Variants in TSNAX observed in about 807,000 individuals in gnomAD.
TSNAX encodes the protein translin-associated protein X.
A neutral mutation model predicts 33.0 loss-of-function variants in TSNAX; 12 were observed. The observed-to-expected ratio is 0.36, with a 90% CI of 0.23 to 0.59. TSNAX has a LOEUF of 0.59. Ranked by LOEUF, TSNAX falls within the 20% of genes least tolerant of loss-of-function variation. The pLI is 0.74. For synonymous variants in TSNAX, 110 were observed against 117.2 expected, an observed-to-expected ratio of 0.94 and a Z score of 0.40; for missense variants, 267 against 341.3, an observed-to-expected ratio of 0.78 and a Z score of 1.72.
In TSNAX at chr1:231,565,089, A is replaced by T. The variant is rs1661341405; in HGVS notation, c.*184A>T. 1.3e-6 allele frequency: 1 copy of T among 756,962 alleles called. No homozygotes were observed. The highest frequency in any genetic ancestry group is 2.0e-6 in the Non-Finnish European group (1 of 497,342). The allele number at this position is 756,962 out of a possible 1,614,324, so 46.9% of individuals were successfully genotyped here. A position where few individuals can be genotyped will look rare whatever the true frequency, so the allele number is the denominator to read the frequency against. ...CCAAATGAATCATTTCTTATATCTT[A>T]TTCATGAAAGTTTGCATACAGATGT... is the stretch of plus-strand genomic sequence containing the variant. On this transcript the variant is annotated 3_prime_UTR_variant, in exon 6 of 6. Coordinates refer to ENST00000366639, the MANE Select transcript of TSNAX (RefSeq NM_005999.3).
chr1:231,547,273 G>A (rs1196964914), intron 4 of TSNAX, among the ~76,000 whole-genome samples: 2 of 151,862 alleles, frequency 1.3e-5, no homozygotes, highest in South Asian at 2.1e-4. Context: ...ATTGGAATCC[G>A]ACTTGTTTCA....
intron 4 of TSNAX, among the ~76,000 whole-genome samples, chr1:231,553,520 A>G (rs1415631106): frequency 1.3e-5 from 2 of 152,138 alleles, no homozygotes; most frequent in Non-Finnish European, 2.9e-5. Flanking sequence ...CACCTTGGGG[A>G]TTATTCACTG....
rs780170973 is a variant in TSNAX at position 231,564,327 on chromosome 1, G to A, written c.496-201G>A. Among the ~76,000 whole-genome samples, 41 of 152,118 alleles carry A rather than the reference G, an allele frequency of 2.7e-4. 1 individual carries two copies. Among genetic ancestry groups the A allele is most frequent in the Non-Finnish European group, 4.0e-4 (27 of 68,022 alleles). Reference sequence around the variant, plus strand: ...CATCTGGTTCATTTCACTACCCAGGGCACACATTCCTCCTGTAACATCCCA... The same window carrying A: ...CATCTGGTTCATTTCACTACCCAGGACACACATTCCTCCTGTAACATCCCA... On this transcript the variant is annotated intron_variant, in intron 5 of 5. Transcript: ENST00000366639.
chr1:231,528,946 C>T (rs1162190131), intron 1 of TSNAX, 120 bp downstream of exon 1: 19 of 1,352,428 alleles, frequency 1.4e-5, no homozygotes, highest in Non-Finnish European at 1.9e-5. Context: ...GACTCGGGGG[C>T]GGCCCCTCTG....
rs139214482 is a variant in TSNAX at position 231,564,500 on chromosome 1, TTTTTG to T, written c.496-13_496-9del. The T allele has an allele frequency of 0.069, 107,818 of 1,572,430 alleles. 3,816 individuals are homozygous for T. The highest frequency in any genetic ancestry group is 0.12 in the Admixed American group (6,889 of 58,306). ...TCTTTCTTGTGTGTGTGTGTGTGTG[TTTTTG>T]TTTTGTTTTGTTTTTTTACCAGCCC... is the stretch of plus-strand genomic sequence containing the variant. On this transcript the variant is annotated intron_variant, in intron 5 of 5. Transcript: ENST00000366639.
At chr1:231,538,569 C>T (rs1046798886) in intron 3 of TSNAX, among the ~76,000 whole-genome samples, 4 of 152,144 alleles carry the variant, frequency 2.6e-5, no homozygotes, top group Admixed American at 6.5e-5. Flanking sequence ...TGTTTTAGTC[C>T]AGCTTCTGAA....
chr1:231,566,137 T>A lies in TSNAX; in HGVS notation c.*1232T>A, dbSNP rs1484222760. ...ATAATTTAAGTCTAGCATTTACTTT[T>A]AAATAATTATAATGAAGTTTTGAAA... On this transcript the variant is annotated 3_prime_UTR_variant, in exon 6 of 6. Transcript: ENST00000366639. 2.6e-5 allele frequency: 4 copies of A among 152,628 alleles called. 1 individual carries two copies. In the South Asian group the frequency reaches 6.2e-4, roughly 24 times the overall value. The allele number at this position is 152,628 out of a possible 1,614,324, so 9.5% of individuals were successfully genotyped here. A position where few individuals can be genotyped will look rare whatever the true frequency, so the allele number is the denominator to read the frequency against.
chr1:231,539,522 A>G (rs1659415543), intron 3 of TSNAX, among the ~76,000 whole-genome samples: 1 of 152,226 alleles, frequency 6.6e-6, no homozygotes, highest in Non-Finnish European at 1.5e-5. Context: ...TGTAATAGGA[A>G]TATGACAGGA....
At chr1:231,539,456 G>A (rs1206960724) in intron 3 of TSNAX, among the ~76,000 whole-genome samples, 1 of 152,160 alleles carries the variant, frequency 6.6e-6, no homozygotes. Flanking sequence ...TGCTAAGAAA[G>A]TTTTGGATTT....
intron 2 of TSNAX, among the ~76,000 whole-genome samples, chr1:231,533,184 C>T (rs1769808): frequency 2.7e-3 from 402 of 147,270 alleles, no homozygotes; most frequent in African/African-American, 0.01. Context: ...CTCCTGCCTC[C>T]GCCTCCCAGG....
chr1:231,564,252 G>A (rs987810395), intron 5 of TSNAX, among the ~76,000 whole-genome samples: 3 of 152,188 alleles, frequency 2.0e-5, no homozygotes, highest in Non-Finnish European at 2.9e-5. Context: ...ATCAAGTGGA[G>A]TTGGAAATAG....
chr1:231,559,617 CG>C (rs1348661590), intron 4 of TSNAX, among the ~76,000 whole-genome samples: 1 of 152,118 alleles, frequency 6.6e-6, no homozygotes, highest in Non-Finnish European at 1.5e-5. Context: ...TGTGAGCCAC[CG>C]GCGCCCGGCC....
In TSNAX at chr1:231,565,086, C is replaced by T. The variant is rs114928340; in HGVS notation, c.*181C>T. ...TAGCCAAATGAATCATTTCTTATATCTTATTCATGAAAGTTTGCATACAGA... is the reference window on the plus strand; with the variant it reads ...TAGCCAAATGAATCATTTCTTATATTTTATTCATGAAAGTTTGCATACAGA... On this transcript the variant is annotated 3_prime_UTR_variant, in exon 6 of 6. Transcript: ENST00000366639. 13,751 of 765,216 alleles carry T rather than the reference C, an allele frequency of 0.018. 159 individuals carry two copies. Among genetic ancestry groups the T allele is most frequent in the South Asian group, 0.042 (1,961 of 46,626 alleles). The allele number at this position is 765,216 out of a possible 1,614,324, so 47.4% of individuals were successfully genotyped here.
chr1:231,532,669 C>T (rs745400082), intron 2 of TSNAX, among the ~76,000 whole-genome samples: 15 of 151,746 alleles, frequency 9.9e-5, no homozygotes, highest in Non-Finnish European at 1.6e-4. Flanking sequence ...CTCTTTGTTA[C>T]GTGTCATTTT....
chr1:231,550,407 A>G (rs183674500), intron 4 of TSNAX, among the ~76,000 whole-genome samples: 137 of 152,266 alleles, frequency 9.0e-4, no homozygotes, highest in African/African-American at 3.2e-3. Context: ...TTAAGGGGAG[A>G]AGCAAATAGT....
rs1462483168 is a variant in TSNAX at position 231,565,079 on chromosome 1, C to A, written c.*174C>A. 1 of 784,076 alleles carries A rather than the reference C, an allele frequency of 1.3e-6. No homozygotes were observed. Among genetic ancestry groups the A allele is most frequent in the African/African-American group, 1.8e-5 (1 of 57,140 alleles). 48.6% of individuals were successfully genotyped at this position (784,076 alleles called of 1,614,324 possible). On this transcript the variant is annotated 3_prime_UTR_variant, in exon 6 of 6. Transcript: ENST00000366639. ...ATAAAATTAGCCAAATGAATCATTTCTTATATCTTATTCATGAAAGTTTGC... is the reference window on the plus strand; with the variant it reads ...ATAAAATTAGCCAAATGAATCATTTATTATATCTTATTCATGAAAGTTTGC...
In TSNAX at chr1:231,565,054, A is replaced by G. The variant is rs1410255404; in HGVS notation, c.*149A>G. 2.0e-6 allele frequency: 2 copies of G among 980,504 alleles called. No individual in the cohort carries two copies. Among genetic ancestry groups the G allele is most frequent in the Non-Finnish European group, 1.5e-6 (1 of 689,212 alleles). 60.7% of individuals were successfully genotyped at this position (980,504 alleles called of 1,614,324 possible). A position where few individuals can be genotyped will look rare whatever the true frequency, so the allele number is the denominator to read the frequency against. Reference sequence around the variant, plus strand: ...GTTTTAAATTGTATACAAGCTGTACATAAAATTAGCCAAATGAATCATTTC... The same window carrying G: ...GTTTTAAATTGTATACAAGCTGTACGTAAAATTAGCCAAATGAATCATTTC... On this transcript the variant is annotated 3_prime_UTR_variant, in exon 6 of 6. Coordinates refer to ENST00000366639, the MANE Select transcript of TSNAX (RefSeq NM_005999.3).
intron 2 of TSNAX, chr1:231,536,190 T>C (rs1659159257): frequency 1.3e-5 from 2 of 152,254 alleles, no homozygotes; most frequent in South Asian, 4.1e-4. Context: ...TCTAGTTCTC[T>C]AGTTATAACA....
At chr1:231,559,640 GT>G (rs1660916924) in intron 4 of TSNAX, among the ~76,000 whole-genome samples, 1 of 151,998 alleles carries the variant, frequency 6.6e-6, no homozygotes, top group Non-Finnish European at 1.5e-5. Flanking sequence ...GAAAGTAGTT[GT>G]TTTAAAACAC....
Sources: gnomAD v4.1 joint callset for allele counts (sites outside exome capture counted in the v4.1 genomes callset) on GRCh38, gnomAD v4.1.1 for gene constraint, MANE v1.5 for transcripts, NCBI Gene and HGNC (gene_info 2026-07-23, HGNC 2026-07-21) for gene names.